Variants in NBAS observed in about 807,000 individuals in gnomAD.
NBAS encodes NAG/BC035112 fusion.
In NBAS, 219 loss-of-function variants were observed where a neutral mutation model predicts 302.5. The ratio of observed to expected loss-of-function variants is 0.72; its 90% CI spans 0.65 to 0.81. The LOEUF (loss-of-function observed/expected upper bound fraction) is 0.81, where lower values mean the gene tolerates loss of function less well. Ranked by LOEUF, NBAS falls within the 30% of genes least tolerant of loss-of-function variation. The pLI, the probability that NBAS is intolerant of heterozygous loss-of-function variation, is 0.00. For synonymous variants in NBAS, 1,118 were observed against 1,021.6 expected (o/e 1.09, Z -1.80); for missense variants, 2,932 against 2,841.6 (o/e 1.03, Z -0.72).
intron 21 of NBAS, among the ~76,000 whole-genome samples, chr2:15,429,027 T>A (rs1677625207): frequency 7.6e-6 from 1 of 131,386 alleles, no homozygotes; most frequent in Admixed American, 8.0e-5. Flanking sequence ...GACAGACTGA[T>A]ACTCTGTCTC....
the NBAS span, among the ~76,000 whole-genome samples, chr2:14,957,270 T>C: frequency 8.3e-6 from 1 of 120,000 alleles, no homozygotes; most frequent in African/African-American, 3.0e-5. Context: ...GTTTAGTTTA[T>C]ACATATACGT....
At chr2:15,477,386 C>T (rs1025133544) in intron 13 of NBAS, among the ~76,000 whole-genome samples, 4 of 152,040 alleles carry the variant, frequency 2.6e-5, no homozygotes, top group Non-Finnish European at 5.9e-5. Context: ...CTCAGCCTCC[C>T]GAGTATCTGG....
At position 15,430,672 on chromosome 2, in the gene NBAS, A is replaced by C. The variant is rs1314379277; in HGVS notation, c.2340-2878T>G. Among the ~76,000 whole-genome samples, 4 of 152,236 alleles carry C rather than the reference A, an allele frequency of 2.6e-5. No homozygotes were observed. The East Asian group carries it at 7.7e-4, about 29-fold the overall frequency. ...CAACCAGTCAGAATCCAAAGCTTACACTTTTAGCTAGCATACTAAACTGCC... is the reference window on the plus strand; with the variant it reads ...CAACCAGTCAGAATCCAAAGCTTACCCTTTTAGCTAGCATACTAAACTGCC... On this transcript the variant is annotated intron_variant, in intron 21 of 51. Coordinates refer to ENST00000281513, the MANE Select transcript of NBAS (RefSeq NM_015909.4).
rs149199785 is a variant in NBAS at position 15,463,347 on chromosome 2, C to G, written c.2098-1556G>C. Reference sequence around the variant, plus strand: ...CCTTTATTTCATCTCAGTTACACATCCTGTCACAAAACCCTGGATCTCTAT... The same window carrying G: ...CCTTTATTTCATCTCAGTTACACATGCTGTCACAAAACCCTGGATCTCTAT... On this transcript the variant is annotated intron_variant, in intron 19 of 51. Coordinates refer to ENST00000281513, the MANE Select transcript of NBAS (RefSeq NM_015909.4). Among the ~76,000 whole-genome samples the G allele has an allele frequency of 8.5e-5, 13 of 152,290 alleles. No homozygotes were observed. In the East Asian group the frequency reaches 2.5e-3, roughly 29 times the overall value.
the NBAS span, among the ~76,000 whole-genome samples, chr2:15,076,730 C>T: frequency 1.3e-5 from 2 of 151,830 alleles, no homozygotes; most frequent in Admixed American, 6.6e-5. Flanking sequence ...CTCTGGCTGC[C>T]AGTACAATAC....
rs746392267 is a variant in NBAS at position 15,551,511 on chromosome 2, T to C, written c.361A>G (p.Ile121Val). The C allele has an allele frequency of 8.7e-6, 14 of 1,609,530 alleles. No homozygotes were observed. The African/African-American group carries it at 1.5e-4, about 17-fold the overall frequency. ...IRSAKDDFTS[I>V]IGKCQVPKDP... Reference sequence around the variant, plus strand: ...CTCTTACCTTGACATTTCCCAATAATGGATGTAAAATCATCTTTTGCAGAC... The same window carrying C: ...CTCTTACCTTGACATTTCCCAATAACGGATGTAAAATCATCTTTTGCAGAC... Residue 121 changes from isoleucine to valine, a missense_variant, in exon 6 of 52, where the codon ATT becomes GTT. Physicochemically the swap from Ile to Val is conservative, Grantham distance 29 (BLOSUM62 3). Coordinates refer to ENST00000281513, the MANE Select transcript of NBAS (RefSeq NM_015909.4).
At chr2:14,940,239 C>T in the NBAS span, among the ~76,000 whole-genome samples, 219 of 152,292 alleles carry the variant, frequency 1.4e-3, 1 homozygote, top group African/African-American at 4.9e-3. Context: ...AAACTCCTTG[C>T]CTTAGAGACC....
the NBAS span, among the ~76,000 whole-genome samples, chr2:14,873,574 A>C: frequency 2.6e-5 from 4 of 152,114 alleles, no homozygotes; most frequent in African/African-American, 7.2e-5. Flanking sequence ...GTGATAAAAC[A>C]GATTTTAATA....
At chr2:15,019,800 G>T in the NBAS span, among the ~76,000 whole-genome samples, 1 of 149,944 alleles carries the variant, frequency 6.7e-6, no homozygotes, top group Non-Finnish European at 1.5e-5. Context: ...TCCACCATAT[G>T]ATGATAGGAG....
At chr2:14,781,984 T>C in the NBAS span, among the ~76,000 whole-genome samples, 1 of 151,610 alleles carries the variant, frequency 6.6e-6, no homozygotes, top group East Asian at 1.9e-4. Flanking sequence ...CTCTTCCTCC[T>C]CCCCCGCCAC....
At chr2:15,432,028 T>C (rs1209143049) in intron 21 of NBAS, among the ~76,000 whole-genome samples, 1 of 152,064 alleles carries the variant, frequency 6.6e-6, no homozygotes, top group Admixed American at 6.6e-5. Context: ...TGGATTCGAT[T>C]CACAATTAAA....
chr2:14,815,684 G>T, the NBAS span, among the ~76,000 whole-genome samples: 32 of 152,188 alleles, frequency 2.1e-4, no homozygotes, highest in African/African-American at 7.7e-4. Context: ...CATCTCTTCT[G>T]TGCTCTAGAC....
At chr2:15,378,808 A>G (rs1674882774) in intron 30 of NBAS, among the ~76,000 whole-genome samples, 1 of 152,214 alleles carries the variant, frequency 6.6e-6, no homozygotes, top group South Asian at 2.1e-4. Context: ...AACCGTCTTA[A>G]GTTGGGGACT....
chr2:15,512,019 A>G (rs1662166863), intron 9 of NBAS, among the ~76,000 whole-genome samples: 1 of 152,220 alleles, frequency 6.6e-6, no homozygotes, highest in Admixed American at 6.5e-5. Flanking sequence ...AGCTATGTTC[A>G]GTACTTCTGG....
At chr2:15,096,013 G>A in the NBAS span, among the ~76,000 whole-genome samples, 1 of 152,208 alleles carries the variant, frequency 6.6e-6, no homozygotes, top group South Asian at 2.1e-4. Flanking sequence ...CTCCCTTCGG[G>A]AACTCCTCAT....
chr2:15,309,881 T>C (rs183827399), intron 38 of NBAS, among the ~76,000 whole-genome samples: 228 of 152,332 alleles, frequency 1.5e-3, no homozygotes, highest in African/African-American at 5.3e-3. Flanking sequence ...GTATGCATTG[T>C]CAATACGGTC....
At chr2:15,371,067 G>A (rs1366371600) in intron 31 of NBAS, among the ~76,000 whole-genome samples, 1 of 152,170 alleles carries the variant, frequency 6.6e-6, no homozygotes, top group East Asian at 1.9e-4. Context: ...CTGGTGGAAG[G>A]TGACTGGATC....
At chr2:14,922,874 C>T in the NBAS span, among the ~76,000 whole-genome samples, 231 of 152,284 alleles carry the variant, frequency 1.5e-3, no homozygotes, top group African/African-American at 4.7e-3. Context: ...TCATTTGGGC[C>T]GGGTGCGGTG....
chr2:15,156,425 A>G, the NBAS span, among the ~76,000 whole-genome samples: 6 of 152,204 alleles, frequency 3.9e-5, no homozygotes, highest in Non-Finnish European at 7.3e-5. Context: ...ATAACAAAGT[A>G]CACGAGGCTA....
Sources: gnomAD v4.1 joint callset for allele counts (sites outside exome capture counted in the v4.1 genomes callset) on GRCh38, gnomAD v4.1.1 for gene constraint, MANE v1.5 for transcripts, NCBI Gene and HGNC (gene_info 2026-07-23, HGNC 2026-07-21) for gene names.